Variants in OOEP observed in about 807,000 individuals in gnomAD.
OOEP encodes oocyte-expressed protein homolog.
OOEP carries 16 observed loss-of-function variants against 13.7 expected under a neutral mutation model. The ratio of observed to expected loss-of-function variants is 1.16; its 90% CI spans 0.79 to 1.77. The LOEUF is 1.77. Among genes scored for constraint, OOEP ranks in the 40% most tolerant of loss-of-function variants. OOEP has a pLI of 0.00. For synonymous variants in OOEP, 89 were observed against 77.1 expected, an observed-to-expected ratio of 1.15 and a Z score of -0.81; for missense variants, 195 against 193.1, an observed-to-expected ratio of 1.01 and a Z score of -0.06.
intron 2 of OOEP, among the ~76,000 whole-genome samples, chr6:73,391,967 T>A (rs957229275): frequency 6.6e-6 from 1 of 152,260 alleles, no homozygotes; most frequent in Non-Finnish European, 1.5e-5. Context: ...TTGATGGGTA[T>A]GTCCTTCCTG....
At chr6:73,381,226 A>AG (rs1483885229) in intron 2 of OOEP, among the ~76,000 whole-genome samples, 18 of 105,286 alleles carry the variant, frequency 1.7e-4, no homozygotes, top group African/African-American at 2.5e-4. Flanking sequence ...AAAAAAAAAA[A>AG]AAGAAGAAGA....
intron 2 of OOEP, among the ~76,000 whole-genome samples, chr6:73,376,948 A>G (rs1769147332): frequency 6.6e-6 from 1 of 152,156 alleles, no homozygotes; most frequent in Non-Finnish European, 1.5e-5. Flanking sequence ...CACTGCACCC[A>G]GCCCATGATT....
chr6:73,376,263 C>T (rs181277026), intron 2 of OOEP, among the ~76,000 whole-genome samples: 15 of 148,506 alleles, frequency 1.0e-4, no homozygotes, highest in Admixed American at 2.7e-4. Context: ...TTTCTTTTTT[C>T]GTTTGTTTTT....
chr6:73,372,908 C>CTTT (rs371058661), upstream of OOEP, among the ~76,000 whole-genome samples: 10 of 134,524 alleles, frequency 7.4e-5, no homozygotes, highest in East Asian at 8.6e-4. Context: ...TTTTTCTTTC[C>CTTT]TTTTTTTTTT....
chr6:73,389,743 T>C (rs921431740), intron 2 of OOEP, among the ~76,000 whole-genome samples: 1 of 151,870 alleles, frequency 6.6e-6, no homozygotes, highest in Non-Finnish European at 1.5e-5. Context: ...ATACCTAATG[T>C]TAAATGACGA....
At chr6:73,381,844 G>A (rs1193023107) in intron 2 of OOEP, among the ~76,000 whole-genome samples, 2 of 152,112 alleles carry the variant, frequency 1.3e-5, no homozygotes, top group South Asian at 2.1e-4. Flanking sequence ...GCCGGGAGTG[G>A]TGGCACCGTG....
In OOEP at chr6:73,395,087, T is replaced by A. The variant is rs1295482887; in HGVS notation, c.-487A>T. ...GGCACCTCTAGGCCCCCGGAGGCCG[T>A]GGCCGCTGGTCACGAGGAACTGCCG... On this transcript the variant is annotated 5_prime_UTR_variant, in exon 1 of 4. Transcript: ENST00000370363. The A allele has an allele frequency of 6.8e-6, 11 of 1,614,150 alleles. No homozygotes were observed. The highest frequency in any genetic ancestry group is 9.3e-6 in the Non-Finnish European group (11 of 1,179,978).
chr6:73,394,827 C>T, exon 1 of OOEP: 2 of 1,555,528 alleles, frequency 1.3e-6, no homozygotes, highest in Admixed American at 1.9e-5. Flanking sequence ...GCTTCCCTGG[C>T]ACGCTACTCT....
intron 2 of OOEP, among the ~76,000 whole-genome samples, chr6:73,383,153 A>C (rs1295486462): frequency 6.6e-6 from 1 of 152,078 alleles, no homozygotes; most frequent in Non-Finnish European, 1.5e-5. Flanking sequence ...TCTGAAGTAG[A>C]AGAAACCATC....
At position 73,376,073 on chromosome 6, in the gene OOEP, C is replaced by G. The variant is rs565073363; in HGVS notation, c.26-6688G>C. ...TGTTGTGATTACAGGTGTGAGCCAC[C>G]GCACCCAGCCGATCTCCCATTTTTG... is the stretch of plus-strand genomic sequence containing the variant. On this transcript the variant is annotated intron_variant, in intron 2 of 3. Coordinates refer to the OOEP transcript ENST00000370363. Among the ~76,000 whole-genome samples, 237 of 152,134 alleles carry G rather than the reference C, an allele frequency of 1.6e-3. 10 individuals are homozygous for G. In the South Asian group the frequency reaches 0.048, roughly 31 times the overall value.
At chr6:73,378,798 A>T (rs2150780906) in intron 2 of OOEP, among the ~76,000 whole-genome samples, 1 of 151,422 alleles carries the variant, frequency 6.6e-6, no homozygotes, top group African/African-American at 2.4e-5. Flanking sequence ...CAGGAGGTGG[A>T]GTTTAAAGTG....
At chr6:73,369,144 C>A in intron 2 of OOEP, 62 bp downstream of exon 2, 1 of 1,501,480 alleles carries the variant, frequency 6.7e-7, no homozygotes. Context: ...GGAAGGAAAC[C>A]GAGCAAGGCC....
chr6:73,376,344 G>GTTTTTTTT lies in OOEP; in HGVS notation c.26-6967_26-6960dup, dbSNP rs70994194. 7.8e-3 allele frequency among the ~76,000 whole-genome samples: 804 copies of GTTTTTTTT among 103,406 alleles called. 86 individuals carry two copies. The highest frequency in any genetic ancestry group is 0.025 in the African/African-American group (633 of 25,162). 67.8% of individuals were successfully genotyped at this position (103,406 alleles called of 152,430 possible). ...TCGCAGCTGTTTTGGACAAGGGGTT[G>GTTTTTTTT]TTTTTTTTTTTTTTTTTTTTTTTTT... is the stretch of plus-strand genomic sequence containing the variant. On this transcript the variant is annotated intron_variant, in intron 2 of 3. Coordinates refer to the OOEP transcript ENST00000370363.
chr6:73,388,579 T>A (rs1769305810), intron 2 of OOEP, among the ~76,000 whole-genome samples: 1 of 152,220 alleles, frequency 6.6e-6, no homozygotes, highest in African/African-American at 2.4e-5. Flanking sequence ...TCCTGGGAAC[T>A]GCACCCATGG....
intron 2 of OOEP, among the ~76,000 whole-genome samples, chr6:73,388,281 T>C: frequency 7.0e-6 from 1 of 143,806 alleles, no homozygotes; most frequent in East Asian, 2.1e-4. Flanking sequence ...GCGAAGAATG[T>C]ATAACAAAAA....
At chr6:73,393,968 C>T (rs1769390324) in intron 2 of OOEP, among the ~76,000 whole-genome samples, 2 of 152,182 alleles carry the variant, frequency 1.3e-5, no homozygotes, top group Admixed American at 1.3e-4. Context: ...GCACATTTGA[C>T]ACAAGAGCAT....
At chr6:73,372,487 T>G (rs983971392), upstream of OOEP, among the ~76,000 whole-genome samples, 1 of 152,234 alleles carries the variant, frequency 6.6e-6, no homozygotes, top group African/African-American at 2.4e-5. Flanking sequence ...AGAACCTCCC[T>G]GCTCAGTGAG....
intron 2 of OOEP, among the ~76,000 whole-genome samples, chr6:73,392,968 A>AT (rs2150784470): frequency 6.6e-6 from 1 of 151,870 alleles, no homozygotes; most frequent in East Asian, 1.9e-4. Flanking sequence ...GGGTTTCACC[A>AT]TGTTGACCAG....
intron 1 of OOEP, 77 bp downstream of exon 1, chr6:73,369,526 G>C: frequency 6.5e-7 from 1 of 1,528,306 alleles, no homozygotes. Context: ...CTGGGAAAGA[G>C]ACTGTAGAGA....
Sources: allele counts gnomAD v4.1 joint callset (sites outside exome capture counted in the v4.1 genomes callset), GRCh38; gene constraint gnomAD v4.1.1; transcripts MANE v1.5; gene names NCBI Gene and HGNC (gene_info 2026-07-23, HGNC 2026-07-21).